Variants in MBD5 observed in about 807,000 individuals in gnomAD.
MBD5 encodes methyl-CpG-binding domain protein 5.
A neutral mutation model predicts 117.3 loss-of-function variants in MBD5; 13 were observed. That is an observed-to-expected ratio of 0.11 (90% confidence interval 0.07 to 0.18). The LOEUF (loss-of-function observed/expected upper bound fraction) is 0.18, where lower values mean the gene tolerates loss of function less well. Among genes scored for constraint, MBD5 ranks in the 10% least tolerant of loss-of-function variants. The pLI is 1.00. For synonymous variants in MBD5, 727 were observed against 766.4 expected, an observed-to-expected ratio of 0.95 and a Z score of 0.85; for missense variants, 1,879 against 2,093.8, an observed-to-expected ratio of 0.90 and a Z score of 2.00.
intron 4 of MBD5, among the ~76,000 whole-genome samples, chr2:148,398,865 A>G (rs989402805): frequency 6.6e-6 from 1 of 152,188 alleles, no homozygotes; most frequent in Non-Finnish European, 1.5e-5. Flanking sequence ...TCAGCTTTCT[A>G]CATATGGCTA....
chr2:148,411,596 C>A (rs1230690355), intron 4 of MBD5, among the ~76,000 whole-genome samples: 2 of 113,802 alleles, frequency 1.8e-5, no homozygotes, highest in African/African-American at 3.4e-5. Flanking sequence ...ATTTGCATTT[C>A]TCTGATGATT....
intron 1 of MBD5, among the ~76,000 whole-genome samples, chr2:148,103,996 G>A (rs1275349417): frequency 1.3e-5 from 2 of 152,100 alleles, no homozygotes; most frequent in African/African-American, 4.8e-5. Context: ...AGATTTTGCA[G>A]CATTAACCTG....
At chr2:148,193,138 T>G (rs959825403) in intron 2 of MBD5, among the ~76,000 whole-genome samples, 3 of 84,594 alleles carry the variant, frequency 3.5e-5, no homozygotes, top group Admixed American at 1.5e-4. Context: ...GAACATTCCA[T>G]GCTCATGGGT....
At chr2:148,131,625 T>TA (rs1179890149) in intron 1 of MBD5, among the ~76,000 whole-genome samples, 2 of 152,094 alleles carry the variant, frequency 1.3e-5, no homozygotes, top group Admixed American at 6.6e-5. Flanking sequence ...GCCCAGGAGT[T>TA]AAAGGGTGCA....
chr2:148,127,032 G>T (rs538611943), intron 1 of MBD5, among the ~76,000 whole-genome samples: 1 of 143,342 alleles, frequency 7.0e-6, no homozygotes, highest in African/African-American at 2.6e-5. Context: ...GCTGGAGTGC[G>T]TGGCGCGATC....
rs369126407 is a variant in MBD5, at chr2:148,249,982, C to CT, written c.-680+16594dup. On this transcript the variant is annotated intron_variant, in intron 3 of 13. Coordinates refer to ENST00000642680, the MANE Select transcript of MBD5 (RefSeq NM_001378120.1). ...CCGCAGTTGGAAACTCAGCTTTTAA[C>CT]TTTTTTTCCGCTACTTTCTTATTAT... Among the ~76,000 whole-genome samples the CT allele has an allele frequency of 4.0e-5, 6 of 148,602 alleles. No individual in the cohort carries two copies. The East Asian group carries it at 1.2e-3, about 29-fold the overall frequency.
At chr2:148,323,574 A>C (rs1702351026) in intron 3 of MBD5, among the ~76,000 whole-genome samples, 3 of 151,998 alleles carry the variant, frequency 2.0e-5, no homozygotes, top group African/African-American at 7.2e-5. Context: ...TGTGGTTTTG[A>C]TTTGCATTTC....
At chr2:148,217,755 C>G (rs1699591745) in intron 2 of MBD5, among the ~76,000 whole-genome samples, 1 of 152,126 alleles carries the variant, frequency 6.6e-6, no homozygotes, top group Non-Finnish European at 1.5e-5. Flanking sequence ...GCAGTCTCTT[C>G]TTTTTTGACA....
intron 3 of MBD5, among the ~76,000 whole-genome samples, chr2:148,256,041 T>C (rs1700581844): frequency 6.6e-6 from 1 of 152,222 alleles, no homozygotes; most frequent in African/African-American, 2.4e-5. Flanking sequence ...TGTCCACATC[T>C]GTTAGCACAT....
In MBD5 at chr2:148,513,098, T is replaced by G; in HGVS notation, c.*157T>G. The G allele has an allele frequency of 2.7e-6, 2 of 746,726 alleles. No homozygotes were observed. Among genetic ancestry groups the G allele is most frequent in the Non-Finnish European group, 4.5e-6 (2 of 449,312 alleles). 46.3% of individuals were successfully genotyped at this position (746,726 alleles called of 1,614,324 possible). A position where few individuals can be genotyped will look rare whatever the true frequency, so the allele number is the denominator to read the frequency against. On this transcript the variant is annotated 3_prime_UTR_variant, in exon 14 of 14. Coordinates refer to ENST00000642680, the MANE Select transcript of MBD5 (RefSeq NM_001378120.1). ...GCTAAAAGAAACAGTGATACAAAAT[T>G]TTTTTGATCAGGAAGGATAATGAAT...
rs779360417 is a variant in MBD5 at position 148,483,924 on chromosome 2, C to T, written c.3333C>T (p.Thr1111=). The T allele has an allele frequency of 7.1e-6, 11 of 1,550,506 alleles. No homozygotes were observed. The South Asian group carries it at 7.1e-5, about 10-fold the overall frequency. The change falls in exon 9 of 14, where the codon ACC becomes ACT. Residue 1111 remains threonine (T), a synonymous_variant. Transcript: ENST00000642680. The part of the protein sequence containing the change: ...TANHPEVSIA[T]SSQATTTTTT... ...ATCATCCAGAGGTTTCCATAGCAACCTCCTCCCAGGCAACCACTACCACAA... is the reference window on the plus strand; with the variant it reads ...ATCATCCAGAGGTTTCCATAGCAACTTCCTCCCAGGCAACCACTACCACAA...
rs571202602 is a variant in MBD5 at position 148,316,976 on chromosome 2, G to A, written c.-679-25238G>A. ...CTAAAGTTACACATCTTCACTTAAT[G>A]GGAAAAGCATCAGGGTACTTGAAAG... is the stretch of plus-strand genomic sequence containing the variant. On this transcript the variant is annotated intron_variant, in intron 3 of 13. Coordinates refer to ENST00000642680, the MANE Select transcript of MBD5 (RefSeq NM_001378120.1). Among the ~76,000 whole-genome samples the A allele has an allele frequency of 1.2e-3, 184 of 152,220 alleles. 1 individual carries two copies. The highest frequency in any genetic ancestry group is 4.2e-3 in the African/African-American group (175 of 41,552).
At position 148,413,299 on chromosome 2, in the gene MBD5, C is replaced by T. The variant is rs186739626; in HGVS notation, c.-556-44904C>T. On this transcript the variant is annotated intron_variant, in intron 4 of 13. Transcript: ENST00000642680. ...TGCATATGTTGAAGTAATCTTACAT[C>T]CTAGGGATAAAACTTAATTTATCAT... 9.6e-4 allele frequency among the ~76,000 whole-genome samples: 146 copies of T among 152,174 alleles called. 1 individual carries two copies. The highest frequency in any genetic ancestry group is 3.2e-3 in the African/African-American group (135 of 41,548).
At chr2:148,294,539 A>G (rs1276103120) in intron 3 of MBD5, among the ~76,000 whole-genome samples, 3 of 70,632 alleles carry the variant, frequency 4.2e-5, no homozygotes, top group African/African-American at 1.4e-4. Flanking sequence ...AGCTGGCTCC[A>G]TCGCCCAGGC....
intron 11 of MBD5, among the ~76,000 whole-genome samples, chr2:148,496,441 C>A (rs1681703588): frequency 6.6e-6 from 1 of 152,042 alleles, no homozygotes; most frequent in South Asian, 2.1e-4. Context: ...GAACTTTTTT[C>A]CTGAGCCAGA....
In MBD5 at chr2:148,293,704, TG is replaced by T. The variant is rs112286679; in HGVS notation, c.-679-48504del. Among the ~76,000 whole-genome samples the T allele has an allele frequency of 3.9e-3, 598 of 152,272 alleles. 3 individuals are homozygous for T. Among genetic ancestry groups the T allele is most frequent in the African/African-American group, 0.013 (560 of 41,534 alleles). ...GACTAGATATTTTTTGTTCCTGATC[TG>T]GGGGGAAAACATGCATTCATTCACC... On this transcript the variant is annotated intron_variant, in intron 3 of 13. Transcript: ENST00000642680.
At chr2:148,421,626 T>C (rs1559064093) in intron 4 of MBD5, among the ~76,000 whole-genome samples, 1 of 151,834 alleles carries the variant, frequency 6.6e-6, no homozygotes, top group African/African-American at 2.4e-5. Context: ...GGGAGCCAAG[T>C]GGTCTGGCTC....
At chr2:148,296,298 G>T in intron 3 of MBD5, 1 of 172,870 alleles carries the variant, frequency 5.8e-6, no homozygotes. Context: ...TGGGTATCTT[G>T]TTGCATGCAG....
chr2:148,265,347 A>C (rs1029518895), intron 3 of MBD5, among the ~76,000 whole-genome samples: 1 of 152,224 alleles, frequency 6.6e-6, no homozygotes, highest in South Asian at 2.1e-4. Flanking sequence ...CTCTTTAGCC[A>C]AAGTAGGATG....
Sources: gnomAD v4.1 joint callset for allele counts (sites outside exome capture counted in the v4.1 genomes callset) on GRCh38, gnomAD v4.1.1 for gene constraint, MANE v1.5 for transcripts, NCBI Gene and HGNC (gene_info 2026-07-23, HGNC 2026-07-21) for gene names.